Variants in AGMAT observed in about 807,000 individuals in gnomAD.
AGMAT encodes the protein guanidino acid hydrolase, mitochondrial.
A neutral mutation model predicts 29.3 loss-of-function variants in AGMAT; 37 were observed. The observed-to-expected ratio is 1.26, with a 90% confidence interval of 0.97 to 1.66. The LOEUF (loss-of-function observed/expected upper bound fraction) is 1.66, where lower values mean the gene tolerates loss of function less well. Ranked by LOEUF, AGMAT falls within the 40% of genes most tolerant of loss-of-function variation. The pLI is 0.00. For missense variants in AGMAT, 498 were observed against 497.8 expected, an observed-to-expected ratio of 1.00 and a Z score of 0.00; for synonymous variants, 199 against 200.8, an observed-to-expected ratio of 0.99 and a Z score of 0.08.
At chr1:15,583,663 C>T (rs1023928605) in intron 1 of AGMAT, among the ~76,000 whole-genome samples, 1 of 152,126 alleles carries the variant, frequency 6.6e-6, no homozygotes, top group African/African-American at 2.4e-5. Context: ...CCGATCTAGG[C>T]TATGTATCGA....
chr1:15,584,901 C>T lies in AGMAT; in HGVS notation c.67G>A (p.Ala23Thr), dbSNP rs1639166460. ...CGGCGCCCCGGATGAAAGAGCCCTG[C>T]GGCAGGACGCGCGCCCACGCCGGGC... ...PGPGVGARPA[A>T]GLFHPGRRQS... The change falls in exon 1 of 7, where the codon GCA becomes ACA. Residue 23 changes from alanine (A) to threonine (T), a missense_variant. Physicochemically the swap from Ala to Thr is moderately conservative, Grantham distance 58. Coordinates refer to ENST00000375826, the MANE Select transcript of AGMAT (RefSeq NM_024758.5). 5 of 1,392,766 alleles carry T rather than the reference C, an allele frequency of 3.6e-6. No individual in the cohort carries two copies. The highest frequency in any genetic ancestry group is 4.6e-6 in the Non-Finnish European group (5 of 1,081,484). 86.3% of individuals were successfully genotyped at this position (1,392,766 alleles called of 1,614,324 possible).
Position 15,573,448 on chromosome 1 carries a change from TC to T in AGMAT, c.*202del. 1.9e-6 allele frequency: 1 copy of T among 528,432 alleles called. No homozygotes were observed. The allele number at this position is 528,432 out of a possible 1,614,324, so 32.7% of individuals were successfully genotyped here. ...AGCAGTACAAGTACTCCTTTTTTTT[TC>T]CCCCAATTAATCCAAGTTCCTTAGA... On this transcript the variant is annotated 3_prime_UTR_variant, in exon 7 of 7. Coordinates refer to ENST00000375826, the MANE Select transcript of AGMAT (RefSeq NM_024758.5).
At position 15,579,641 on chromosome 1, in the gene AGMAT, C is replaced by T. The variant is rs1639086410; in HGVS notation, c.524+453G>A. On this transcript the variant is annotated intron_variant, in intron 3 of 6. Coordinates refer to ENST00000375826, the MANE Select transcript of AGMAT (RefSeq NM_024758.5). Reference sequence around the variant, plus strand: ...ACTAAATTAGCCAAAGTCGGCCAATCCTGGGTAGACTTCCACTACTGGCAA... The same window carrying T: ...ACTAAATTAGCCAAAGTCGGCCAATTCTGGGTAGACTTCCACTACTGGCAA... 2.0e-5 allele frequency among the ~76,000 whole-genome samples: 3 copies of T among 152,232 alleles called. No homozygotes were observed. In the South Asian group the frequency reaches 6.2e-4, roughly 32 times the overall value.
chr1:15,577,671 T>TAA lies in AGMAT; in HGVS notation c.900+13_900+14insTT, dbSNP rs765361154. 4.6e-5 allele frequency: 73 copies of TAA among 1,600,492 alleles called. No homozygotes were observed. The highest frequency in any genetic ancestry group is 6.2e-5 in the Non-Finnish European group (73 of 1,169,546). On this transcript the variant is annotated intron_variant, in intron 5 of 6. Transcript: ENST00000375826. ...TCTCCACCCCCAGGATCTTCACTGG[T>TAA]GGAATCTCCTTACCTGACTAGGAGT...
chr1:15,575,734 T>C (rs1460823649), intron 5 of AGMAT: 1 of 130,200 alleles, frequency 7.7e-6, no homozygotes, highest in African/African-American at 3.5e-5. Context: ...TGCACTTTTA[T>C]TTATTTATTT....
Position 15,584,692 on chromosome 1 carries a change from T to G in AGMAT, c.272+4A>C. The G allele has an allele frequency of 7.6e-7, 1 of 1,321,646 alleles. No homozygotes were observed. Among genetic ancestry groups the G allele is most frequent in the Non-Finnish European group, 9.7e-7 (1 of 1,030,326 alleles). 81.9% of individuals were successfully genotyped at this position (1,321,646 alleles called of 1,614,324 possible). ...GTACCCGGCCCCCGTCCTTCCGGCC[T>G]TACCTCGCCCCAGGCCGGTTGGAGG... On this transcript the variant is annotated splice_donor_region_variant and intron_variant, in intron 1 of 6. Coordinates refer to ENST00000375826, the MANE Select transcript of AGMAT (RefSeq NM_024758.5).
chr1:15,583,313 G>A lies in AGMAT; in HGVS notation c.355C>T (p.Leu119Phe). The A allele has an allele frequency of 1.9e-6, 3 of 1,614,186 alleles. No individual in the cohort carries two copies. Among genetic ancestry groups the A allele is most frequent in the Non-Finnish European group, 2.5e-6 (3 of 1,180,034 alleles). The change falls in exon 2 of 7, where the codon CTC becomes TTC. Residue 119 changes from leucine to phenylalanine, a missense_variant. Leu to Phe is a conservative substitution (Grantham distance 22). Coordinates refer to ENST00000375826, the MANE Select transcript of AGMAT (RefSeq NM_024758.5). ...ACATCGCCTAGGTCTGCAACCATGA[G>A]GGACTGGAAGGGGAGGGCCCCCGTG... ...PSTGALPFQS[L>F]MVADLGDVNV... is the part of the protein sequence containing the mutation.
chr1:15,573,944 G>T (rs1224501592), intron 6 of AGMAT, among the ~76,000 whole-genome samples: 1 of 152,082 alleles, frequency 6.6e-6, no homozygotes, highest in Non-Finnish European at 1.5e-5. Flanking sequence ...AAAGTTCTTT[G>T]TTTACTCTGA....
chr1:15,573,270 G>A lies in AGMAT; in HGVS notation c.*381C>T. On this transcript the variant is annotated 3_prime_UTR_variant, in exon 7 of 7. Coordinates refer to ENST00000375826, the MANE Select transcript of AGMAT (RefSeq NM_024758.5). ...AAAACTCTATCTCAAAAAAAAAAATGTTTAAAAGGAAGATATAGAAATATG... is the reference window on the plus strand; with the variant it reads ...AAAACTCTATCTCAAAAAAAAAAATATTTAAAAGGAAGATATAGAAATATG... 1 of 155,728 alleles carries A rather than the reference G, an allele frequency of 6.4e-6. No homozygotes were observed. The highest frequency in any genetic ancestry group is 1.4e-5 in the Non-Finnish European group (1 of 70,834). 9.6% of individuals were successfully genotyped at this position (155,728 alleles called of 1,614,324 possible).
intron 2 of AGMAT, 86 bp from the exon 3 acceptor site, chr1:15,580,228 T>C: frequency 2.9e-6 from 3 of 1,030,130 alleles, no homozygotes; most frequent in Non-Finnish European, 4.2e-6. Context: ...TTTTTTGAGA[T>C]GTAGTTTTGC....
chr1:15,577,743 T>C lies in AGMAT; in HGVS notation c.842A>G (p.Asp281Gly). 6.2e-7 allele frequency: 1 copy of C among 1,614,204 alleles called. No individual in the cohort carries two copies. Among genetic ancestry groups the C allele is most frequent in the South Asian group, 1.1e-5 (1 of 91,086 alleles). Residue 281 changes from aspartate to glycine, a missense_variant, in exon 5 of 7, where the codon GAT (aspartate) becomes GGT (glycine). Asp to Gly is a moderately conservative substitution (Grantham distance 94, BLOSUM62 -1). Transcript: ENST00000375826. ...CCCTGTCCCTGGCGCATAGGCAGGA[T>C]CCAGAGCGTCAATATCAAAGCTGAT... ...IYISFDIDALDPAYAPGTGTP... is the reference protein window; with the variant it reads ...IYISFDIDALGPAYAPGTGTP...
At chr1:15,583,011 C>T (rs1292804114) in intron 2 of AGMAT, among the ~76,000 whole-genome samples, 182 bp downstream of exon 2, 3 of 152,150 alleles carry the variant, frequency 2.0e-5, no homozygotes, top group African/African-American at 7.2e-5. Flanking sequence ...CACACATACA[C>T]ACACACGTGA....
chr1:15,578,723 T>G, intron 4 of AGMAT, 136 bp downstream of exon 4: 1 of 981,676 alleles, frequency 1.0e-6, no homozygotes, highest in Non-Finnish European at 1.5e-6. Flanking sequence ...ATGCCCCTGA[T>G]GATGCAAACT....
intron 2 of AGMAT, among the ~76,000 whole-genome samples, chr1:15,580,698 G>A (rs1437114937): frequency 6.6e-6 from 1 of 151,288 alleles, no homozygotes; most frequent in African/African-American, 2.4e-5. Context: ...ATAGCTTGCT[G>A]GGCACGGTGG....
chr1:15,576,317 C>G (rs554196124), intron 5 of AGMAT, among the ~76,000 whole-genome samples: 1 of 151,886 alleles, frequency 6.6e-6, no homozygotes, highest in Admixed American at 6.6e-5. Context: ...AGGCTGGTCT[C>G]AAACTCCCTA....
At chr1:15,578,586 T>C (rs1167196111) in intron 4 of AGMAT, among the ~76,000 whole-genome samples, 1 of 151,854 alleles carries the variant, frequency 6.6e-6, no homozygotes, top group East Asian at 1.9e-4. Flanking sequence ...TGAGCCACTG[T>C]GCCCGGCCTC....
chr1:15,574,730 T>C, intron 6 of AGMAT, 27 bp downstream of exon 6: 2 of 1,596,846 alleles, frequency 1.3e-6, no homozygotes, highest in Non-Finnish European at 1.7e-6. Context: ...CGGCTGCCCA[T>C]GGATCTCAGT....
At position 15,573,482 on chromosome 1, in the gene AGMAT, C is replaced by G. The variant is rs1476669367; in HGVS notation, c.*169G>C. 7.2e-6 allele frequency: 4 copies of G among 553,504 alleles called. No homozygotes were observed. In the South Asian group the frequency reaches 8.1e-5, roughly 11 times the overall value. 34.3% of individuals were successfully genotyped at this position (553,504 alleles called of 1,614,324 possible). ...TAATCCAAGTTCCTTAGAAATGTTG[C>G]TGTTTGGGTGAGAATTCTACTGATT... On this transcript the variant is annotated 3_prime_UTR_variant, in exon 7 of 7. Coordinates refer to ENST00000375826, the MANE Select transcript of AGMAT (RefSeq NM_024758.5).
intron 1 of AGMAT, among the ~76,000 whole-genome samples, chr1:15,584,153 CTTTT>C (rs775219573): frequency 6.6e-6 from 1 of 151,928 alleles, no homozygotes; most frequent in Non-Finnish European, 1.5e-5. Flanking sequence ...CTTCTTTTTT[CTTTT>C]TTTGAGACGG....
Sources: gnomAD v4.1 joint callset for allele counts (sites outside exome capture counted in the v4.1 genomes callset) on GRCh38, gnomAD v4.1.1 for gene constraint, MANE v1.5 for transcripts, NCBI Gene and HGNC (gene_info 2026-07-23, HGNC 2026-07-21) for gene names.